ZNF571: variants seen among roughly 807,000 people sequenced by gnomAD.
ZNF571 encodes the protein zinc finger protein 571.
A neutral mutation model predicts 7.7 loss-of-function variants in ZNF571; 4 were observed. The ratio of observed to expected loss-of-function variants is 0.52; its 90% confidence interval spans 0.25 to 1.18. The LOEUF (loss-of-function observed/expected upper bound fraction) is 1.18. ZNF571 is among the 50% of genes most tolerant of loss of function. The pLI is 0.14. For missense variants in ZNF571, 704 were observed against 726.9 expected, an observed-to-expected ratio of 0.97 and a Z score of 0.36; for synonymous variants, 251 against 232.4, an observed-to-expected ratio of 1.08 and a Z score of -0.73.
At chr19:37,590,412 G>A (rs538340801) in intron 1 of ZNF571, among the ~76,000 whole-genome samples, 5 of 145,854 alleles carry the variant, frequency 3.4e-5, no homozygotes, top group South Asian at 2.2e-4. Context: ...GTGAGGCTCC[G>A]TTTCAAAAAA....
chr19:37,567,857 T>C (rs1434046397), intron 3 of ZNF571: 1 of 152,244 alleles, frequency 6.6e-6, no homozygotes, highest in Non-Finnish European at 1.5e-5. Flanking sequence ...GCTCTACATG[T>C]GTAGGGGGAA....
chr19:37,578,820 G>A (rs981765782), intron 3 of ZNF571, among the ~76,000 whole-genome samples: 2 of 152,158 alleles, frequency 1.3e-5, no homozygotes, highest in Admixed American at 6.5e-5. Context: ...TGCAGCAACC[G>A]CACCTCCGCC....
At chr19:37,566,751 A>T (rs1192493009) in intron 3 of ZNF571, among the ~76,000 whole-genome samples, 1 of 152,088 alleles carries the variant, frequency 6.6e-6, no homozygotes, top group South Asian at 2.1e-4. Context: ...CCTTGCTTCT[A>T]TGATCTATTC....
chr19:37,581,203 T>G (rs929105956), intron 3 of ZNF571, among the ~76,000 whole-genome samples: 28 of 152,236 alleles, frequency 1.8e-4, no homozygotes, highest in African/African-American at 6.8e-4. Context: ...ATTTATATTC[T>G]AATCATTTCA....
At chr19:37,584,495 A>C (rs1249656335) in intron 2 of ZNF571, among the ~76,000 whole-genome samples, 2 of 152,210 alleles carry the variant, frequency 1.3e-5, no homozygotes, top group Non-Finnish European at 2.9e-5. Flanking sequence ...TAAAAAGATG[A>C]ATTTTTTTCC....
intron 3 of ZNF571, among the ~76,000 whole-genome samples, chr19:37,576,175 T>G (rs2043236516): frequency 6.6e-6 from 1 of 152,200 alleles, no homozygotes; most frequent in Non-Finnish European, 1.5e-5. Flanking sequence ...TTACTAAATT[T>G]ACTAAAAAAT....
chr19:37,565,253 T>C lies in ZNF571; in HGVS notation c.1175A>G (p.Lys392Arg). The change falls in exon 4 of 4, where the codon AAA becomes AGA. Residue 392 changes from lysine (K) to arginine (R), a missense_variant. By Grantham distance (26) the Lys-to-Arg change is conservative. Coordinates refer to ENST00000451802, the MANE Select transcript of ZNF571 (RefSeq NM_016536.5). ...LRVHSGERPY[K>R]CKECGKAFIS... ...AAAGGCTTTCCCACATTCTTTGCAT[T>C]TATAAGGTCTCTCACCTGAATGAAC... 6.2e-7 allele frequency: 1 copy of C among 1,612,032 alleles called. No individual in the cohort carries two copies. Among genetic ancestry groups the C allele is most frequent in the Admixed American group, 1.7e-5 (1 of 59,650 alleles).
intron 2 of ZNF571, among the ~76,000 whole-genome samples, chr19:37,584,328 C>T (rs1412164422): frequency 1.3e-5 from 2 of 152,098 alleles, no homozygotes; most frequent in African/African-American, 4.8e-5. Flanking sequence ...ATTTAAAAAG[C>T]CAGATGTGTG....
At position 37,565,449 on chromosome 19, in the gene ZNF571, T is replaced by C. The variant is rs555537521; in HGVS notation, c.979A>G (p.Arg327Gly). The C allele has an allele frequency of 1.6e-5, 26 of 1,613,306 alleles. No individual in the cohort carries two copies. The South Asian group carries it at 2.6e-4, about 16-fold the overall frequency. The change falls in exon 4 of 4, where the codon AGA (arginine) becomes GGA (glycine). Residue 327 changes from arginine (R) to glycine (G), a missense_variant. Coordinates refer to ENST00000451802, the MANE Select transcript of ZNF571 (RefSeq NM_016536.5). ...ILGSHLTYHQ[R>G]VHTGEKPYIC... ...TAAGGCTTTTCACCAGTATGAACTC[T>C]CTGATGGTATGTAAGGTGTGAACCA...
At chr19:37,590,252 T>C (rs1287643083) in intron 1 of ZNF571, among the ~76,000 whole-genome samples, 1 of 149,834 alleles carries the variant, frequency 6.7e-6, no homozygotes, top group African/African-American at 2.5e-5. Context: ...TAAAAAAAAA[T>C]AAAAATAAAA....
Position 37,590,422 on chromosome 19 carries a change from AAAG to A in ZNF571, c.-69-3680_-69-3678del, listed in dbSNP as rs569810345. On this transcript the variant is annotated intron_variant, in intron 1 of 3. Transcript: ENST00000451802. Reference sequence around the variant, plus strand: ...ACAGAGTGAGGCTCCGTTTCAAAAAAAAGAAGAAGAAAAAAAAAGCTATAAGGA... The same window carrying A: ...ACAGAGTGAGGCTCCGTTTCAAAAAAAAGAAGAAAAAAAAAGCTATAAGGA... 1.8e-4 allele frequency among the ~76,000 whole-genome samples: 25 copies of A among 137,848 alleles called. No individual in the cohort carries two copies. The South Asian group carries it at 3.0e-3, about 16-fold the overall frequency. The allele number at this position is 137,848 out of a possible 152,430, so 90.4% of individuals were successfully genotyped here. A position where few individuals can be genotyped will look rare whatever the true frequency, so the allele number is the denominator to read the frequency against.
intron 3 of ZNF571, among the ~76,000 whole-genome samples, chr19:37,571,718 T>C (rs1252313385): frequency 6.6e-6 from 1 of 152,176 alleles, no homozygotes; most frequent in African/African-American, 2.4e-5. Context: ...CCAACATATG[T>C]TGAGGAGCAT....
intron 1 of ZNF571, 93 bp from the exon 2 acceptor site, chr19:37,586,838 AT>A: frequency 1.3e-6 from 1 of 753,522 alleles, no homozygotes; most frequent in Non-Finnish European, 2.2e-6. Flanking sequence ...TCTTTTGGGA[AT>A]TTGGAAAAAA....
chr19:37,594,607 C>T (rs2043963569), intron 1 of ZNF571, 134 bp downstream of exon 1: 1 of 152,318 alleles, frequency 6.6e-6, no homozygotes, highest in Non-Finnish European at 1.5e-5. Context: ...AGTAATTAGC[C>T]AGAGCACCGT....
intron 1 of ZNF571, among the ~76,000 whole-genome samples, chr19:37,592,412 T>C (rs768333979): frequency 3.2e-4 from 48 of 152,178 alleles, no homozygotes; most frequent in Non-Finnish European, 3.2e-4. Flanking sequence ...TTTATTACCA[T>C]AGATATACTG....
rs776099756 is a variant in ZNF571 at position 37,565,480 on chromosome 19, AAAGGCCTTT to A, written c.939_947del (p.Lys314_Phe316del). ...GGTATGTAAGGTGTGAACCAAGAAT[AAAGGCCTTT>A]CCACATTCCTTACACTCATAAGGTT... is the stretch of plus-strand genomic sequence containing the variant. On this transcript the variant is annotated inframe_deletion, in exon 4 of 4. Transcript: ENST00000451802. 1 of 1,613,384 alleles carries A rather than the reference AAAGGCCTTT, an allele frequency of 6.2e-7. No homozygotes were observed. The highest frequency in any genetic ancestry group is 8.5e-7 in the Non-Finnish European group (1 of 1,179,754).
intron 3 of ZNF571, among the ~76,000 whole-genome samples, chr19:37,567,909 T>C (rs916756153): frequency 9.2e-5 from 14 of 152,248 alleles, no homozygotes; most frequent in African/African-American, 3.4e-4. Flanking sequence ...GAACACAGTA[T>C]ACATATAATG....
chr19:37,590,450 A>G (rs1480856605), intron 1 of ZNF571, among the ~76,000 whole-genome samples: 1 of 152,024 alleles, frequency 6.6e-6, no homozygotes, highest in Non-Finnish European at 1.5e-5. Flanking sequence ...AGCTATAAGG[A>G]CAAAATTGTA....
chr19:37,575,912 A>C (rs1315122236), intron 3 of ZNF571: 1 of 152,200 alleles, frequency 6.6e-6, no homozygotes, highest in African/African-American at 2.4e-5. Context: ...AAACATATAC[A>C]CACAATTTCC....
Sources: gnomAD v4.1 joint callset for allele counts (sites outside exome capture counted in the v4.1 genomes callset) on GRCh38, gnomAD v4.1.1 for gene constraint, MANE v1.5 for transcripts, NCBI Gene and HGNC (gene_info 2026-07-23, HGNC 2026-07-21) for gene names.